The following UBE2QL1 variants were observed in gnomAD, a reference collection of about 807,000 sequenced individuals.
UBE2QL1 encodes the protein ubiquitin conjugating enzyme E2 QL1, also known as ubiquitin-conjugating enzyme E2Q-like protein 1.
A neutral mutation model predicts 12.6 loss-of-function variants in UBE2QL1; 5 were observed. The observed-to-expected ratio is 0.40, with a 90% CI of 0.21 to 0.83. The LOEUF is 0.83. Ranked by LOEUF, UBE2QL1 falls within the 40% of genes least tolerant of loss-of-function variation. The probability of loss-of-function intolerance (pLI) is 0.37; values close to 1 mark genes in which losing one functional copy is unlikely to be tolerated. For missense variants in UBE2QL1, 99 were observed against 222.6 expected (o/e 0.44, Z 3.53); for synonymous variants, 96 against 94.5 (o/e 1.02, Z -0.10).
In UBE2QL1 at chr5:6,481,226, CA is replaced by C. The variant is rs1236984908; in HGVS notation, c.355-9989del. 2.6e-5 allele frequency among the ~76,000 whole-genome samples: 4 copies of C among 152,178 alleles called. No individual in the cohort carries two copies. In the East Asian group the frequency reaches 7.7e-4, roughly 29 times the overall value. ...GCTTCTCCTCTTGACTGTCCCCAGCCAAACACACCCATCCTCCCAGGACCCC... is the reference window on the plus strand; with the variant it reads ...GCTTCTCCTCTTGACTGTCCCCAGCCAACACACCCATCCTCCCAGGACCCC... On this transcript the variant is annotated intron_variant, in intron 1 of 1. Coordinates refer to ENST00000399816, the MANE Select transcript of UBE2QL1 (RefSeq NM_001145161.3). The surrounding 1 kb of genome is among the most constrained non-coding windows in gnomAD (Gnocchi z 4.5).
intron 1 of UBE2QL1, among the ~76,000 whole-genome samples, chr5:6,484,483 A>G (rs557336786): frequency 2.0e-5 from 3 of 152,250 alleles, no homozygotes; most frequent in East Asian, 1.9e-4. Flanking sequence ...CAGCTCTTCT[A>G]TAGCCCTTGG....
intron 1 of UBE2QL1, among the ~76,000 whole-genome samples, chr5:6,485,461 GC>G: frequency 6.6e-6 from 1 of 152,300 alleles, no homozygotes; most frequent in East Asian, 1.9e-4. Flanking sequence ...TTTGAAAGAT[GC>G]TTGTAAGCAT....
At chr5:6,462,960 C>A (rs985949186) in intron 1 of UBE2QL1, among the ~76,000 whole-genome samples, 3 of 152,202 alleles carry the variant, frequency 2.0e-5, no homozygotes, top group East Asian at 1.9e-4. Context: ...GAACGATAAA[C>A]GGAAGGCAGC....
At chr5:6,483,086 T>C (rs1734394867) in intron 1 of UBE2QL1, among the ~76,000 whole-genome samples, 2 of 152,208 alleles carry the variant, frequency 1.3e-5, no homozygotes, top group African/African-American at 4.8e-5. Flanking sequence ...AAGACATGCT[T>C]ACTGTATTCT....
chr5:6,470,891 G>A (rs765453631), intron 1 of UBE2QL1, among the ~76,000 whole-genome samples: 1 of 152,176 alleles, frequency 6.6e-6, no homozygotes, highest in Admixed American at 6.5e-5. Flanking sequence ...CTGCCAAATT[G>A]CCCTTCAGAA....
chr5:6,451,846 A>G (rs1052917193), intron 1 of UBE2QL1, among the ~76,000 whole-genome samples: 1 of 152,226 alleles, frequency 6.6e-6, no homozygotes, highest in Non-Finnish European at 1.5e-5. Context: ...TTCAGAGCAC[A>G]TATGGTAGTT....
At chr5:6,450,927 A>C (rs1429193403) in intron 1 of UBE2QL1, among the ~76,000 whole-genome samples, 1 of 152,236 alleles carries the variant, frequency 6.6e-6, no homozygotes, top group East Asian at 1.9e-4. Flanking sequence ...GATAGAATGC[A>C]AGCATGGGGG....
intron 1 of UBE2QL1, 107 bp from the exon 2 acceptor site, chr5:6,491,111 A>T: frequency 7.7e-7 from 1 of 1,294,224 alleles, no homozygotes; most frequent in South Asian, 1.6e-5. Context: ...CATTGCATTG[A>T]TTCAGACATC....
intron 1 of UBE2QL1, among the ~76,000 whole-genome samples, chr5:6,450,966 C>G (rs1560925749): frequency 6.6e-6 from 1 of 152,196 alleles, no homozygotes; most frequent in Non-Finnish European, 1.5e-5. Flanking sequence ...ATTTTTCAAA[C>G]AGGATTTATA....
At position 6,449,216 on chromosome 5, in the gene UBE2QL1, G is replaced by T; in HGVS notation, c.323G>T (p.Arg108Leu). 1.4e-6 allele frequency: 2 copies of T among 1,467,632 alleles called. No homozygotes were observed. Among genetic ancestry groups the T allele is most frequent in the Non-Finnish European group, 1.8e-6 (2 of 1,104,422 alleles). 90.9% of individuals were successfully genotyped at this position (1,467,632 alleles called of 1,614,324 possible). A position where few individuals can be genotyped will look rare whatever the true frequency, so the allele number is the denominator to read the frequency against. The change falls in exon 1 of 2, where the codon CGC (arginine) becomes CTC (leucine). Residue 108 changes from arginine (R) to leucine (L), a missense_variant. By Grantham distance (102) the Arg-to-Leu change is moderately radical. Transcript: ENST00000399816. ...SSAYTVEAVM[R>L]QFAASLVKGQ... ...GCCTACACCGTGGAGGCCGTCATGC[G>T]CCAGTTCGCAGCCAGCCTGGTCAAG... is the stretch of plus-strand genomic sequence containing the variant.
In UBE2QL1 at chr5:6,478,614, C is replaced by G. The variant is rs1158730820; in HGVS notation, c.355-12604C>G. 2.7e-5 allele frequency among the ~76,000 whole-genome samples: 4 copies of G among 150,284 alleles called. No individual in the cohort carries two copies. The East Asian group carries it at 7.8e-4, about 29-fold the overall frequency. On this transcript the variant is annotated intron_variant, in intron 1 of 1. Coordinates refer to ENST00000399816, the MANE Select transcript of UBE2QL1 (RefSeq NM_001145161.3). This position sits in a 1 kb window ranked among gnomAD's most constrained non-coding sequence, Gnocchi z 4.5. ...CACATTTCCTAGTGACATTCTTGGTCTCTTTCGGTTTTTTTTTTTTTGGAC... is the reference window on the plus strand; with the variant it reads ...CACATTTCCTAGTGACATTCTTGGTGTCTTTCGGTTTTTTTTTTTTTGGAC...
intron 1 of UBE2QL1, 63 bp from the exon 2 acceptor site, chr5:6,491,155 A>T (rs1734560384): frequency 1.4e-6 from 2 of 1,461,840 alleles, no homozygotes; most frequent in Non-Finnish European, 1.8e-6. Context: ...TTTTTAATAA[A>T]GATGGTAGGA....
In UBE2QL1 at chr5:6,479,553, C is replaced by T. The variant is rs1456258185; in HGVS notation, c.355-11665C>T. 6.6e-6 allele frequency among the ~76,000 whole-genome samples: 1 copy of T among 152,110 alleles called. No homozygotes were observed. Among genetic ancestry groups the T allele is most frequent in the Admixed American group, 6.6e-5 (1 of 15,264 alleles). ...AAGAGGTGCTGATGTCTGTATCCTC[C>T]GGTGAGTCTGTCCATCATAAAAAGG... On this transcript the variant is annotated intron_variant, in intron 1 of 1. Transcript: ENST00000399816. This position sits in a 1 kb window ranked among gnomAD's most constrained non-coding sequence, Gnocchi z 4.2.
Position 6,465,279 on chromosome 5 carries a change from G to A in UBE2QL1, c.354+16032G>A, listed in dbSNP as rs541330012. ...TGGGATAACAAGCATGAGCCACCACGCACAGTCAGCATTTTAGTTTTCTTA... is the reference window on the plus strand; with the variant it reads ...TGGGATAACAAGCATGAGCCACCACACACAGTCAGCATTTTAGTTTTCTTA... On this transcript the variant is annotated intron_variant, in intron 1 of 1. Transcript: ENST00000399816. Among the ~76,000 whole-genome samples the A allele has an allele frequency of 3.3e-5, 5 of 152,208 alleles. No homozygotes were observed. In the East Asian group the frequency reaches 5.8e-4, roughly 18 times the overall value.
intron 1 of UBE2QL1, among the ~76,000 whole-genome samples, chr5:6,462,953 C>T (rs1299618990): frequency 6.6e-6 from 1 of 152,182 alleles, no homozygotes; most frequent in African/African-American, 2.4e-5. Context: ...TTGGAGTGAA[C>T]GATAAACGGA....
At chr5:6,483,489 G>A (rs558301825) in intron 1 of UBE2QL1, among the ~76,000 whole-genome samples, 34 of 152,130 alleles carry the variant, frequency 2.2e-4, no homozygotes, top group African/African-American at 8.2e-4. Context: ...TGCACGGCAG[G>A]TGTGTTTGGA....
At chr5:6,461,258 C>A (rs540075801) in intron 1 of UBE2QL1, among the ~76,000 whole-genome samples, 3 of 152,208 alleles carry the variant, frequency 2.0e-5, no homozygotes, top group East Asian at 1.9e-4. Context: ...TCAACTGAGG[C>A]CTTGAGCATT....
chr5:6,473,319 C>A (rs1560933195), intron 1 of UBE2QL1, among the ~76,000 whole-genome samples: 1 of 152,206 alleles, frequency 6.6e-6, no homozygotes, highest in African/African-American at 2.4e-5. Flanking sequence ...ATACAGGAAA[C>A]ATATATTCTG....
At chr5:6,453,368 G>A (rs890789377) in intron 1 of UBE2QL1, among the ~76,000 whole-genome samples, 2 of 152,184 alleles carry the variant, frequency 1.3e-5, no homozygotes, top group African/African-American at 4.8e-5. Context: ...CCAGGCAGTC[G>A]TTTATTAACT....
Sources: allele counts gnomAD v4.1 joint callset (sites outside exome capture counted in the v4.1 genomes callset), GRCh38; gene constraint gnomAD v4.1.1; non-coding constraint Gnocchi (gnomAD v3.1); transcripts MANE v1.5; gene names NCBI Gene and HGNC (gene_info 2026-07-23, HGNC 2026-07-21).